Variants in SETD2 observed in about 807,000 individuals in gnomAD.
The protein encoded by SETD2 is SET domain containing 2, histone lysine methyltransferase, also known as histone-lysine N-methyltransferase SETD2.
A neutral mutation model predicts 242.1 loss-of-function variants in SETD2; 31 were observed. The ratio of observed to expected loss-of-function variants is 0.13; its 90% confidence interval spans 0.10 to 0.17. SETD2 has a LOEUF of 0.17. Ranked by LOEUF, SETD2 falls within the 10% of genes least tolerant of loss-of-function variation. The probability of loss-of-function intolerance (pLI) is 1.00; values close to 1 mark genes in which losing one functional copy is unlikely to be tolerated. For missense variants in SETD2, 2,481 were observed against 3,046.3 expected (o/e 0.81, Z 4.37); for synonymous variants, 1,006 against 1,066.5 (o/e 0.94, Z 1.11).
intron 16 of SETD2, among the ~76,000 whole-genome samples, chr3:47,044,431 C>T (rs2107544315): frequency 7.3e-6 from 1 of 137,436 alleles, no homozygotes; most frequent in Non-Finnish European, 1.5e-5. Context: ...AACATCTGCT[C>T]TAAGTACACA....
rs921365456 is a variant in SETD2 at position 47,164,088 on chromosome 3, C to T, written c.-164G>A. On this transcript the variant is annotated 5_prime_UTR_variant, in exon 1 of 21. Transcript: ENST00000409792. This position sits in a 1 kb window ranked among gnomAD's most constrained non-coding sequence, Gnocchi z 5.4. ...TACCTCGCTCGTCGCTCCCTCCCTC[C>T]CTCGGACGCCCGCCAGCCGCTCTCT... 12 of 1,145,768 alleles carry T rather than the reference C, an allele frequency of 1.0e-5. No homozygotes were observed. In the Admixed American group the frequency reaches 1.3e-4, roughly 13 times the overall value. The allele number at this position is 1,145,768 out of a possible 1,614,324, so 71.0% of individuals were successfully genotyped here.
intron 12 of SETD2, among the ~76,000 whole-genome samples, chr3:47,081,434 G>C (rs948496362): frequency 6.6e-6 from 1 of 152,192 alleles, no homozygotes; most frequent in Non-Finnish European, 1.5e-5. Flanking sequence ...CACAGTGTTT[G>C]ACAATAGGTG....
upstream of SETD2, chr3:47,164,684 GT>G (rs1333443584): frequency 6.6e-6 from 1 of 152,346 alleles, no homozygotes; most frequent in East Asian, 1.9e-4. This position sits in a 1 kb window ranked among gnomAD's most constrained non-coding sequence, Gnocchi z 5.4. Context: ...TCCCTTGCCC[GT>G]TCATCTCGAC....
intron 15 of SETD2, among the ~76,000 whole-genome samples, chr3:47,047,798 C>T (rs2039596486): frequency 6.6e-6 from 1 of 152,158 alleles, no homozygotes; most frequent in Admixed American, 6.6e-5. Flanking sequence ...GGAAAATGTA[C>T]AGTCATGTAT....
chr3:47,119,875 G>T, intron 3 of SETD2: 1 of 468,520 alleles, frequency 2.1e-6, no homozygotes, highest in East Asian at 5.4e-5. Flanking sequence ...TTTTTGGTCA[G>T]ACTTTCACAT....
chr3:47,100,699 C>G (rs987659215), intron 8 of SETD2, among the ~76,000 whole-genome samples: 2 of 152,052 alleles, frequency 1.3e-5, no homozygotes, highest in Admixed American at 6.6e-5. Context: ...GCATCGGTTA[C>G]TGTTTTTAGG....
chr3:47,120,136 CAAAA>C (rs752942445), intron 3 of SETD2, 42 bp downstream of exon 3: 2 of 1,409,196 alleles, frequency 1.4e-6, no homozygotes, highest in Non-Finnish European at 9.6e-7. Context: ...TTTCTAACAA[CAAAA>C]AAAGAGTTAA....
At chr3:47,087,638 C>T (rs182801014) in intron 10 of SETD2, among the ~76,000 whole-genome samples, 1 of 152,216 alleles carries the variant, frequency 6.6e-6, no homozygotes, top group East Asian at 1.9e-4. Context: ...ATGGTACAAG[C>T]TTTGAAAGTC....
chr3:47,088,301 A>C (rs892969268), intron 9 of SETD2, 54 bp from the exon 10 acceptor site: 79 of 1,554,062 alleles, frequency 5.1e-5, no homozygotes, highest in East Asian at 6.7e-5. Flanking sequence ...CAAAAAAAAA[A>C]ACCAAAAACC....
At chr3:47,098,912 C>G (rs1000681979) in intron 8 of SETD2, among the ~76,000 whole-genome samples, 6 of 151,938 alleles carry the variant, frequency 3.9e-5, no homozygotes. Flanking sequence ...GCAGGAATTC[C>G]CAAACAGCAC....
At chr3:47,137,650 G>A (rs1342320369) in intron 1 of SETD2, among the ~76,000 whole-genome samples, 1 of 152,096 alleles carries the variant, frequency 6.6e-6, no homozygotes, top group Non-Finnish European at 1.5e-5. Flanking sequence ...ACACCACTTA[G>A]AAGATATGGA....
intron 1 of SETD2, among the ~76,000 whole-genome samples, chr3:47,141,978 AAC>A (rs758559483): frequency 1.3e-5 from 2 of 152,206 alleles, no homozygotes; most frequent in South Asian, 2.1e-4. Flanking sequence ...AAACACTTGA[AAC>A]ACATATTCTT....
Position 47,122,844 on chromosome 3 carries a change from T to C in SETD2, c.1792A>G (p.Ser598Gly), listed in dbSNP as rs2106688828. The C allele has an allele frequency of 6.2e-7, 1 of 1,613,234 alleles. No homozygotes were observed. The highest frequency in any genetic ancestry group is 8.5e-7 in the Non-Finnish European group (1 of 1,179,464). Residue 598 changes from serine to glycine, a missense_variant, in exon 3 of 21, where the codon AGT becomes GGT. Transcript: ENST00000409792. ...TTTTTATTAATCATTCTTAATTCAC[T>C]ACCTTTTGAACAAGGTGTCTGTAAA... ...FSLQTPCSKG[S>G]ELRMINKNPE...
In SETD2 at chr3:47,057,180, GAGC is replaced by G. The variant is rs2040121434; in HGVS notation, c.6601_6603del (p.Ala2201del). The G allele has an allele frequency of 2.5e-6, 4 of 1,614,090 alleles. No individual in the cohort carries two copies. In the African/African-American group the frequency reaches 4.0e-5, roughly 16 times the overall value. On this transcript the variant is annotated inframe_deletion, in exon 15 of 21. Coordinates refer to ENST00000409792, the MANE Select transcript of SETD2 (RefSeq NM_014159.7). ...ACCAAGGGCTGAGCATGATCATAAGGAGCAGGAGAACACACTGGGTCCATGCTG... is the reference window on the plus strand; with the variant it reads ...ACCAAGGGCTGAGCATGATCATAAGGAGGAGAACACACTGGGTCCATGCTG...
At chr3:47,071,500 G>A (rs769902099) in intron 12 of SETD2, among the ~76,000 whole-genome samples, 13 of 152,246 alleles carry the variant, frequency 8.5e-5, no homozygotes, top group Non-Finnish European at 1.0e-4. Flanking sequence ...TCCCTGGAAA[G>A]AACTACTGTT....
At chr3:47,082,219 CA>C (rs1031152357) in intron 12 of SETD2, among the ~76,000 whole-genome samples, 4 of 152,188 alleles carry the variant, frequency 2.6e-5, no homozygotes, top group African/African-American at 9.7e-5. Flanking sequence ...GATAGCTTTA[CA>C]ATGATTACTT....
chr3:47,076,211 A>G (rs182664228), intron 12 of SETD2, among the ~76,000 whole-genome samples: 2 of 152,344 alleles, frequency 1.3e-5, no homozygotes, highest in Admixed American at 1.3e-4. Context: ...ATCCAAAACA[A>G]AAGAGTTTTC....
chr3:47,131,480 A>C (rs947868283), intron 1 of SETD2, among the ~76,000 whole-genome samples: 1 of 151,780 alleles, frequency 6.6e-6, no homozygotes, highest in Non-Finnish European at 1.5e-5. Context: ...AGTAGCTGGG[A>C]CTACAGGCGC....
At chr3:47,143,775 A>T (rs1207904611) in intron 1 of SETD2, among the ~76,000 whole-genome samples, 1 of 151,928 alleles carries the variant, frequency 6.6e-6, no homozygotes, top group Non-Finnish European at 1.5e-5. Context: ...CAGTGGCGCG[A>T]TCTCGGCTCA....
Sources: allele counts gnomAD v4.1 joint callset (sites outside exome capture counted in the v4.1 genomes callset), GRCh38; gene constraint gnomAD v4.1.1; non-coding constraint Gnocchi (gnomAD v3.1); transcripts MANE v1.5; gene names NCBI Gene and HGNC (gene_info 2026-07-23, HGNC 2026-07-21).